CDH12: variants seen among roughly 807,000 people sequenced by gnomAD.
The protein encoded by CDH12 is cadherin 12.
A neutral mutation model predicts 74.1 loss-of-function variants in CDH12; 41 were observed. That is an observed-to-expected ratio of 0.55 (90% confidence interval 0.43 to 0.72). The LOEUF (loss-of-function observed/expected upper bound fraction) is 0.72. Ranked by LOEUF, CDH12 falls within the 30% of genes least tolerant of loss-of-function variation. The pLI is 0.00. For missense variants in CDH12, 945 were observed against 977.2 expected (o/e 0.97, Z 0.44); for synonymous variants, 399 against 355.0 (o/e 1.12, Z -1.39).
intron 3 of CDH12, among the ~76,000 whole-genome samples, chr5:22,314,155 G>A (rs1381423461): frequency 1.3e-5 from 2 of 152,116 alleles, no homozygotes; most frequent in Non-Finnish European, 2.9e-5. Flanking sequence ...TATTCGACTT[G>A]AAGTGTCAAT....
chr5:22,188,088 C>A (rs1373509061), intron 4 of CDH12, among the ~76,000 whole-genome samples: 2 of 150,222 alleles, frequency 1.3e-5, no homozygotes, highest in Non-Finnish European at 3.0e-5. Flanking sequence ...TGATTCCCAG[C>A]ATGTAGGTGT....
intron 1 of CDH12, among the ~76,000 whole-genome samples, chr5:22,763,812 A>T (rs1746356318): frequency 6.6e-6 from 1 of 151,960 alleles, no homozygotes; most frequent in African/African-American, 2.4e-5. Context: ...TTATTCACCA[A>T]ATGAAATGCA....
At chr5:21,967,271 C>T (rs1756627494) in intron 6 of CDH12, among the ~76,000 whole-genome samples, 1 of 152,090 alleles carries the variant, frequency 6.6e-6, no homozygotes, top group Non-Finnish European at 1.5e-5. Flanking sequence ...ACAATTGGGC[C>T]AACGTAGCAT....
At chr5:22,110,148 A>G (rs1264305637) in intron 4 of CDH12, among the ~76,000 whole-genome samples, 1 of 152,166 alleles carries the variant, frequency 6.6e-6, no homozygotes, top group Non-Finnish European at 1.5e-5. Context: ...CATCTTTCCT[A>G]TGAGAGTTTT....
At chr5:21,850,986 C>T (rs1019000001) in intron 7 of CDH12, among the ~76,000 whole-genome samples, 3 of 151,102 alleles carry the variant, frequency 2.0e-5, no homozygotes, top group African/African-American at 4.8e-5. Context: ...TGTAAACATA[C>T]TTAATGCAAC....
intron 6 of CDH12, among the ~76,000 whole-genome samples, chr5:21,926,354 T>C (rs1016302249): frequency 1.3e-5 from 2 of 152,214 alleles, no homozygotes; most frequent in African/African-American, 4.8e-5. Context: ...CCTTCCCCAT[T>C]TCCTAGACAT....
At chr5:22,536,234 T>C (rs1455522511) in intron 1 of CDH12, among the ~76,000 whole-genome samples, 1 of 152,218 alleles carries the variant, frequency 6.6e-6, no homozygotes, top group African/African-American at 2.4e-5. Context: ...GTACTGACCT[T>C]GCGAAGCAAT....
intron 1 of CDH12, among the ~76,000 whole-genome samples, chr5:22,830,821 A>G (rs1462280446): frequency 2.6e-5 from 4 of 151,694 alleles, no homozygotes; most frequent in Admixed American, 2.0e-4. Context: ...TCACTTCTCT[A>G]TTAAATGTAT....
At chr5:22,469,482 G>A (rs937236770) in intron 2 of CDH12, among the ~76,000 whole-genome samples, 11 of 152,000 alleles carry the variant, frequency 7.2e-5, no homozygotes, top group East Asian at 1.9e-4. Flanking sequence ...GCATGTGTCC[G>A]AATACCCTCT....
At chr5:22,225,265 T>G (rs1355169337) in intron 3 of CDH12, among the ~76,000 whole-genome samples, 1 of 152,132 alleles carries the variant, frequency 6.6e-6, no homozygotes, top group Non-Finnish European at 1.5e-5. Flanking sequence ...GCATAGCTCA[T>G]TAACATGTGT....
chr5:22,621,956 T>C (rs1737995978), intron 1 of CDH12, among the ~76,000 whole-genome samples: 1 of 152,086 alleles, frequency 6.6e-6, no homozygotes, highest in Non-Finnish European at 1.5e-5. Context: ...TACATAATAA[T>C]TCTATAGAAA....
At chr5:22,172,734 T>A (rs1422961724) in intron 4 of CDH12, among the ~76,000 whole-genome samples, 2 of 151,852 alleles carry the variant, frequency 1.3e-5, no homozygotes, top group Non-Finnish European at 2.9e-5. Flanking sequence ...TTTTATTGAA[T>A]GCATTTCCTT....
At chr5:22,756,762 C>T (rs535497891) in intron 1 of CDH12, among the ~76,000 whole-genome samples, 4 of 152,178 alleles carry the variant, frequency 2.6e-5, no homozygotes, top group Admixed American at 2.0e-4. Flanking sequence ...GAGTTCAAGA[C>T]CAGCCTGGCC....
At chr5:22,728,851 C>T (rs527404802) in intron 1 of CDH12, among the ~76,000 whole-genome samples, 1 of 151,776 alleles carries the variant, frequency 6.6e-6, no homozygotes, top group African/African-American at 2.4e-5. Flanking sequence ...ACCTAATTAC[C>T]CACACACAGC....
chr5:22,273,984 T>C (rs935686612), intron 3 of CDH12, among the ~76,000 whole-genome samples: 31 of 152,280 alleles, frequency 2.0e-4, no homozygotes, highest in East Asian at 7.7e-4. Flanking sequence ...TTAAAGTATA[T>C]GTGAATTCTT....
At chr5:22,477,839 G>A (rs1746228776) in intron 2 of CDH12, among the ~76,000 whole-genome samples, 1 of 152,168 alleles carries the variant, frequency 6.6e-6, no homozygotes, top group Admixed American at 6.5e-5. Context: ...GTGCTGTACA[G>A]CTTTTGCTAA....
intron 3 of CDH12, among the ~76,000 whole-genome samples, chr5:22,298,674 A>G (rs1737735959): frequency 6.6e-6 from 1 of 152,176 alleles, no homozygotes; most frequent in Non-Finnish European, 1.5e-5. Context: ...CCAGTTGGTT[A>G]TATTAGTGAT....
chr5:22,644,497 G>C (rs1739330713), intron 1 of CDH12, among the ~76,000 whole-genome samples: 1 of 151,946 alleles, frequency 6.6e-6, no homozygotes, highest in African/African-American at 2.4e-5. Flanking sequence ...GAAGTGAGAA[G>C]CTATAGAAAA....
chr5:22,077,771 T>A (rs911276458), intron 5 of CDH12, among the ~76,000 whole-genome samples: 2 of 152,078 alleles, frequency 1.3e-5, no homozygotes, highest in African/African-American at 4.8e-5. Flanking sequence ...GTGAAAAAAA[T>A]TAAATTTCCA....
Sources: allele counts gnomAD v4.1 joint callset (sites outside exome capture counted in the v4.1 genomes callset), GRCh38; gene constraint gnomAD v4.1.1; transcripts MANE v1.5; gene names NCBI Gene and HGNC (gene_info 2026-07-23, HGNC 2026-07-21).